Variants in MCC observed in about 807,000 individuals in gnomAD.
MCC encodes the protein MCC regulator of Wnt signaling pathway.
A neutral mutation model predicts 116.2 loss-of-function variants in MCC; 90 were observed. That is an observed-to-expected ratio of 0.77 (90% CI 0.65 to 0.92). MCC has a LOEUF of 0.92. Among genes scored for constraint, MCC ranks in the 40% least tolerant of loss-of-function variants. The pLI is 0.00. For synonymous variants in MCC, 578 were observed against 510.5 expected, an observed-to-expected ratio of 1.13 and a Z score of -1.78; for missense variants, 1,516 against 1,312.2, an observed-to-expected ratio of 1.16 and a Z score of -2.40.
chr5:113,449,953 GT>G (rs1488426406), intron 1 of MCC, among the ~76,000 whole-genome samples: 1 of 152,082 alleles, frequency 6.6e-6, no homozygotes, highest in African/African-American at 2.4e-5. Flanking sequence ...ATTTTAAAAT[GT>G]TTACTTTTTC....
At chr5:113,277,634 A>G (rs542364129) in intron 3 of MCC, among the ~76,000 whole-genome samples, 10 of 152,200 alleles carry the variant, frequency 6.6e-5, no homozygotes, top group Non-Finnish European at 1.2e-4. Flanking sequence ...GCAGATTCTG[A>G]ACTATACACA....
intron 3 of MCC, among the ~76,000 whole-genome samples, chr5:113,331,671 T>G (rs1422953381): frequency 6.6e-6 from 1 of 151,414 alleles, no homozygotes; most frequent in Admixed American, 6.6e-5. Context: ...AGTTTCACTC[T>G]ATTGCCCAGG....
intron 3 of MCC, among the ~76,000 whole-genome samples, chr5:113,182,918 A>C (rs779888350): frequency 6.6e-6 from 1 of 152,242 alleles, no homozygotes; most frequent in Non-Finnish European, 1.5e-5. Context: ...GTAATGTGCC[A>C]CAGACAGCAC....
chr5:113,120,495 G>A (rs1581103491), intron 6 of MCC, among the ~76,000 whole-genome samples: 1 of 152,132 alleles, frequency 6.6e-6, no homozygotes, highest in African/African-American at 2.4e-5. Flanking sequence ...TGCCCCACTG[G>A]CTTCCAGAAT....
intron 3 of MCC, among the ~76,000 whole-genome samples, chr5:113,255,190 A>G (rs116065346): frequency 0.018 from 2,769 of 152,210 alleles, 77 homozygotes; most frequent in African/African-American, 0.062. Flanking sequence ...AACAAAAATA[A>G]GAGCTATTAT....
At chr5:113,255,291 A>C (rs1308624190) in intron 3 of MCC, among the ~76,000 whole-genome samples, 1 of 152,324 alleles carries the variant, frequency 6.6e-6, no homozygotes, top group Middle Eastern at 3.4e-3. Flanking sequence ...AAAAAGGCCA[A>C]GTCTTGCTAA....
At chr5:113,473,688 G>A (rs1020147979) in intron 1 of MCC, among the ~76,000 whole-genome samples, 1 of 152,104 alleles carries the variant, frequency 6.6e-6, no homozygotes, top group Admixed American at 6.5e-5. Context: ...TCCTAACCAA[G>A]AATTCAATGC....
At chr5:113,079,310 T>G (rs1754681347) in intron 11 of MCC, among the ~76,000 whole-genome samples, 1 of 152,196 alleles carries the variant, frequency 6.6e-6, no homozygotes, top group African/African-American at 2.4e-5. Context: ...AAAACTACTT[T>G]AAAGTTCATA....
At chr5:113,252,549 A>G (rs1319487606) in intron 3 of MCC, among the ~76,000 whole-genome samples, 2 of 152,182 alleles carry the variant, frequency 1.3e-5, no homozygotes, top group Non-Finnish European at 2.9e-5. Context: ...CAGGATTCCC[A>G]TTGATTCTGT....
intron 3 of MCC, among the ~76,000 whole-genome samples, chr5:113,263,741 G>T (rs912798837): frequency 1.3e-5 from 2 of 152,142 alleles, no homozygotes; most frequent in Admixed American, 6.5e-5. Context: ...ACCTACGGGG[G>T]TTATCTCCAG....
At chr5:113,274,901 C>A (rs1419222802) in intron 3 of MCC, among the ~76,000 whole-genome samples, 1 of 152,140 alleles carries the variant, frequency 6.6e-6, no homozygotes, top group East Asian at 1.9e-4. Context: ...AATGTTTGCA[C>A]TGAATGACAT....
chr5:113,305,214 G>T (rs1766959790), intron 3 of MCC, among the ~76,000 whole-genome samples: 1 of 152,124 alleles, frequency 6.6e-6, no homozygotes, highest in Non-Finnish European at 1.5e-5. Flanking sequence ...GAGGCATGAA[G>T]AATGGGCTCC....
intron 14 of MCC, among the ~76,000 whole-genome samples, chr5:113,055,951 C>G (rs566698758): frequency 6.6e-6 from 1 of 152,356 alleles, no homozygotes; most frequent in East Asian, 1.9e-4. Context: ...AACATCAACT[C>G]TTCCCTGGGT....
At chr5:113,276,130 T>C (rs1272393215) in intron 3 of MCC, among the ~76,000 whole-genome samples, 2 of 152,256 alleles carry the variant, frequency 1.3e-5, no homozygotes, top group South Asian at 2.1e-4. Context: ...CAGCAGCCCA[T>C]GCTGGCTCCC....
rs781774496 is a variant in MCC at position 113,340,605 on chromosome 5, G to C, written c.541C>G (p.Gln181Glu). 3.1e-6 allele frequency: 5 copies of C among 1,614,160 alleles called. No individual in the cohort carries two copies. The South Asian group carries it at 4.4e-5, about 14-fold the overall frequency. ...LLEYGGSSLH[Q>E]QAALHKLLTQ... is the part of the protein sequence containing the mutation. Reference sequence around the variant, plus strand: ...AGCAGTTTGTGGAGAGCAGCCTGCTGATGCAAAGAGCTTCCGCCATACTCG... The same window carrying C: ...AGCAGTTTGTGGAGAGCAGCCTGCTCATGCAAAGAGCTTCCGCCATACTCG... Residue 181 changes from glutamine to glutamate, a missense_variant, in exon 3 of 19, where the codon CAG becomes GAG. By Grantham distance (29) the Gln-to-Glu change is conservative. Transcript: ENST00000408903.
chr5:113,447,755 G>T (rs1352676725), intron 1 of MCC, among the ~76,000 whole-genome samples: 1 of 151,944 alleles, frequency 6.6e-6, no homozygotes, highest in Admixed American at 6.6e-5. Flanking sequence ...GACTCTCAAA[G>T]ATGCATATGC....
At chr5:113,119,094 T>C (rs1757576922) in intron 6 of MCC, among the ~76,000 whole-genome samples, 1 of 152,202 alleles carries the variant, frequency 6.6e-6, no homozygotes, top group African/African-American at 2.4e-5. Context: ...CAAACAACTG[T>C]GAGCTTTGGG....
intron 5 of MCC, among the ~76,000 whole-genome samples, chr5:113,134,820 CATAA>C (rs2150280150): frequency 6.6e-6 from 1 of 151,904 alleles, no homozygotes; most frequent in South Asian, 2.1e-4. Flanking sequence ...GAACACTAGG[CATAA>C]ATAGATTAAC....
In MCC at chr5:113,434,502, G is replaced by A; in HGVS notation, c.171-49290C>T. 6.2e-7 allele frequency: 1 copy of A among 1,613,184 alleles called. No homozygotes were observed. Among genetic ancestry groups the A allele is most frequent in the South Asian group, 1.1e-5 (1 of 91,044 alleles). The stretch of plus-strand genomic sequence containing the variant: ...GGAAAGCTGGTGGAACTTCTTGCGA[G>A]CTTCGTCCTCATGCAGGGCTCCCCG... On this transcript the variant is annotated intron_variant, in intron 1 of 18. Coordinates refer to ENST00000408903, the MANE Select transcript of MCC (RefSeq NM_001085377.2). The surrounding 1 kb of genome is among the most constrained non-coding windows in gnomAD (Gnocchi z 4.2).
Sources: allele counts gnomAD v4.1 joint callset (sites outside exome capture counted in the v4.1 genomes callset), GRCh38; gene constraint gnomAD v4.1.1; non-coding constraint Gnocchi (gnomAD v3.1); transcripts MANE v1.5; gene names NCBI Gene and HGNC (gene_info 2026-07-23, HGNC 2026-07-21).